The following PODXL variants were observed in gnomAD, a reference collection of about 807,000 sequenced individuals.
The protein encoded by PODXL is podocalyxin like.
In PODXL, 20 loss-of-function variants were observed where a neutral mutation model predicts 48.9. That is an observed-to-expected ratio of 0.41 (90% CI 0.29 to 0.59). The LOEUF is 0.59. Ranked by LOEUF, PODXL falls within the 20% of genes least tolerant of loss-of-function variation. The probability of loss-of-function intolerance (pLI) is 0.31; values close to 1 mark genes in which losing one functional copy is unlikely to be tolerated. For missense variants in PODXL, 606 were observed against 675.1 expected (o/e 0.90, Z 1.13); for synonymous variants, 295 against 287.4 (o/e 1.03, Z -0.27).
At chr7:131,534,677 G>C (rs1189451161) in intron 1 of PODXL, among the ~76,000 whole-genome samples, 1 of 152,216 alleles carries the variant, frequency 6.6e-6, no homozygotes, top group Non-Finnish European at 1.5e-5. Context: ...ATCACGATGG[G>C]TGTGGACCAA....
chr7:131,504,558 G>A, intron 8 of PODXL, 50 bp from the exon 9 acceptor site: 1 of 1,478,170 alleles, frequency 6.8e-7, no homozygotes, highest in African/African-American at 1.4e-5. Context: ...AGGGCTCTGA[G>A]CTTAATACAG....
intron 1 of PODXL, among the ~76,000 whole-genome samples, chr7:131,537,572 A>G (rs1287715319): frequency 1.3e-5 from 2 of 148,548 alleles, no homozygotes; most frequent in African/African-American, 4.9e-5. Context: ...CAGCCTGGGC[A>G]TGGAAGCAAG....
intron 1 of PODXL, among the ~76,000 whole-genome samples, chr7:131,533,147 A>C (rs901460401): frequency 6.6e-6 from 1 of 152,142 alleles, no homozygotes; most frequent in African/African-American, 2.4e-5. Flanking sequence ...CCTTACCCCC[A>C]CACAGGCTGA....
intron 1 of PODXL, among the ~76,000 whole-genome samples, chr7:131,522,897 T>C (rs776779456): frequency 1.4e-4 from 22 of 152,270 alleles, no homozygotes; most frequent in Non-Finnish European, 2.5e-4. Context: ...TTTCACAGTA[T>C]GGAGCTTCCA....
At chr7:131,531,710 A>C (rs1271517786) in intron 1 of PODXL, among the ~76,000 whole-genome samples, 1 of 152,174 alleles carries the variant, frequency 6.6e-6, no homozygotes, top group Admixed American at 6.5e-5. Context: ...GCCTCTTATG[A>C]GGACACTTGT....
chr7:131,539,511 A>G (rs1429518576), intron 1 of PODXL, among the ~76,000 whole-genome samples: 1 of 152,028 alleles, frequency 6.6e-6, no homozygotes, highest in African/African-American at 2.4e-5. Context: ...TTGTATTTTT[A>G]GTAGACATGG....
At chr7:131,535,090 A>G (rs1798353257) in intron 1 of PODXL, among the ~76,000 whole-genome samples, 1 of 152,134 alleles carries the variant, frequency 6.6e-6, no homozygotes, top group Non-Finnish European at 1.5e-5. Context: ...TATATTGACC[A>G]TCAACGGAGG....
At chr7:131,551,778 A>G (rs1207384970) in intron 1 of PODXL, among the ~76,000 whole-genome samples, 1 of 152,082 alleles carries the variant, frequency 6.6e-6, no homozygotes, top group African/African-American at 2.4e-5. Flanking sequence ...CTACTAAAAA[A>G]TACAGAAAAT....
chr7:131,546,017 C>G (rs1798569463), intron 1 of PODXL, among the ~76,000 whole-genome samples: 1 of 152,242 alleles, frequency 6.6e-6, no homozygotes, highest in South Asian at 2.1e-4. Context: ...CTATCTTCCT[C>G]CCACTTTTCG....
In PODXL at chr7:131,504,092, T is replaced by G. The variant is rs1797757276; in HGVS notation, c.*219A>C. Reference sequence around the variant, plus strand: ...GATCTCCCTCATCATCCAGCAGCACTGAGCTCAGGCACTAGTGGGTTATTT... The same window carrying G: ...GATCTCCCTCATCATCCAGCAGCACGGAGCTCAGGCACTAGTGGGTTATTT... On this transcript the variant is annotated 3_prime_UTR_variant, in exon 9 of 9. Coordinates refer to ENST00000378555, the MANE Select transcript of PODXL (RefSeq NM_001018111.3). The G allele has an allele frequency of 3.4e-6, 2 of 581,702 alleles. No homozygotes were observed. Among genetic ancestry groups the G allele is most frequent in the Non-Finnish European group, 6.1e-6 (2 of 325,726 alleles). The allele number at this position is 581,702 out of a possible 1,614,324, so 36.0% of individuals were successfully genotyped here. A position where few individuals can be genotyped will look rare whatever the true frequency, so the allele number is the denominator to read the frequency against.
intron 1 of PODXL, among the ~76,000 whole-genome samples, chr7:131,544,417 C>T (rs1007229894): frequency 6.6e-6 from 1 of 152,200 alleles, no homozygotes; most frequent in Non-Finnish European, 1.5e-5. Flanking sequence ...CCATAGGATG[C>T]CGTGGGTGAA....
intron 1 of PODXL, among the ~76,000 whole-genome samples, chr7:131,520,931 GCTGAGGCGGGCCGAT>G (rs1291776575): frequency 6.6e-6 from 1 of 152,234 alleles, no homozygotes; most frequent in Non-Finnish European, 1.5e-5. Context: ...ACTTTGGGAG[GCTGAGGCGGGCCGAT>G]CACTTGAGGT....
chr7:131,551,936 CAA>C (rs34250804), intron 1 of PODXL, among the ~76,000 whole-genome samples: 2 of 128,532 alleles, frequency 1.6e-5, no homozygotes, highest in Non-Finnish European at 1.7e-5. Context: ...GACTCCATCT[CAA>C]AAAAAAAAAA....
chr7:131,515,565 C>T (rs1174096236), intron 1 of PODXL, among the ~76,000 whole-genome samples: 1 of 152,110 alleles, frequency 6.6e-6, no homozygotes, highest in Non-Finnish European at 1.5e-5. Context: ...CCATGCCCAA[C>T]TAATTTTTTG....
intron 1 of PODXL, among the ~76,000 whole-genome samples, chr7:131,530,360 T>C (rs1453527475): frequency 6.6e-6 from 1 of 152,070 alleles, no homozygotes; most frequent in Non-Finnish European, 1.5e-5. Context: ...CTCTCGCCCC[T>C]GCATGCAGCC....
chr7:131,520,383 C>A (rs1358141133), intron 1 of PODXL: 4 of 425,668 alleles, frequency 9.4e-6, no homozygotes, highest in Admixed American at 5.5e-5. Context: ...CCATACCTAT[C>A]CCTGTGCGGT....
intron 1 of PODXL, among the ~76,000 whole-genome samples, chr7:131,529,620 A>G (rs1798241888): frequency 6.6e-6 from 1 of 151,980 alleles, no homozygotes; most frequent in African/African-American, 2.4e-5. Context: ...GAAATAAAAA[A>G]AAAAACTTCC....
At chr7:131,551,133 CT>C (rs1798662395) in intron 1 of PODXL, among the ~76,000 whole-genome samples, 2 of 152,178 alleles carry the variant, frequency 1.3e-5, no homozygotes, top group African/African-American at 4.8e-5. Context: ...TTCTTGAAGG[CT>C]TTTCTTATAG....
At chr7:131,532,570 G>T (rs960787780) in intron 1 of PODXL, among the ~76,000 whole-genome samples, 8 of 152,188 alleles carry the variant, frequency 5.3e-5, no homozygotes, top group Admixed American at 3.3e-4. Flanking sequence ...GAAAATAGGG[G>T]GTAGTGACTC....
Sources: allele counts gnomAD v4.1 joint callset (sites outside exome capture counted in the v4.1 genomes callset), GRCh38; gene constraint gnomAD v4.1.1; transcripts MANE v1.5; gene names NCBI Gene and HGNC (gene_info 2026-07-23, HGNC 2026-07-21).